PHACTR3: variants seen among roughly 807,000 people sequenced by gnomAD.
PHACTR3 encodes the protein phosphatase and actin regulator 3.
In PHACTR3, 16 loss-of-function variants were observed where a neutral mutation model predicts 66.8. That is an observed-to-expected ratio of 0.24 (90% CI 0.16 to 0.36). The LOEUF is 0.36. Ranked by LOEUF, PHACTR3 falls within the 10% of genes least tolerant of loss-of-function variation. PHACTR3 has a pLI of 1.00. For synonymous variants in PHACTR3, 323 were observed against 292.1 expected (o/e 1.11, Z -1.08); for missense variants, 647 against 719.9 (o/e 0.90, Z 1.16).
At chr20:59,842,681 G>A (rs1568878574) in intron 11 of PHACTR3, among the ~76,000 whole-genome samples, 2 of 152,124 alleles carry the variant, frequency 1.3e-5, no homozygotes, top group Admixed American at 6.6e-5. Context: ...CTTATTTCTA[G>A]ATTATCTCTG....
intron 1 of PHACTR3, among the ~76,000 whole-genome samples, chr20:59,605,855 AGGT>A (rs2033647806): frequency 1.1e-4 from 1 of 8,836 alleles, no homozygotes; most frequent in Non-Finnish European, 1.9e-4. Context: ...GCGGGGGGGG[AGGT>A]GGGGGGGGGG....
intron 1 of PHACTR3, among the ~76,000 whole-genome samples, chr20:59,646,710 C>T (rs936457745): frequency 3.3e-5 from 5 of 152,156 alleles, no homozygotes; most frequent in Admixed American, 6.5e-5. Context: ...GAACATGACT[C>T]GGAGCTGGAA....
At chr20:59,750,476 C>T (rs557031567) in intron 3 of PHACTR3, among the ~76,000 whole-genome samples, 183 of 152,176 alleles carry the variant, frequency 1.2e-3, no homozygotes, top group Non-Finnish European at 2.2e-3. Flanking sequence ...GACTTCCAGC[C>T]CACAGGAGCA....
intron 1 of PHACTR3, among the ~76,000 whole-genome samples, chr20:59,674,926 A>C (rs1221100362): frequency 6.1e-4 from 8 of 13,102 alleles, no homozygotes; most frequent in African/African-American, 1.5e-3. Flanking sequence ...CCCCCCTTCT[A>C]CTGTCCCCCC....
At chr20:59,844,969 T>C in intron 11 of PHACTR3, 1 of 391,804 alleles carries the variant, frequency 2.6e-6, no homozygotes. Context: ...ATCAATAAAA[T>C]TTTTACAAAG....
At chr20:59,701,670 T>C (rs2037510495) in intron 1 of PHACTR3, among the ~76,000 whole-genome samples, 1 of 152,246 alleles carries the variant, frequency 6.6e-6, no homozygotes, top group Admixed American at 6.5e-5. Flanking sequence ...TCTCCTATTA[T>C]TAACGTGTTG....
At chr20:59,760,853 A>G (rs1196850781) in intron 4 of PHACTR3, among the ~76,000 whole-genome samples, 2 of 152,116 alleles carry the variant, frequency 1.3e-5, no homozygotes, top group Admixed American at 6.5e-5. Context: ...CACTAATTAA[A>G]AAGGAGAGTG....
At chr20:59,817,318 C>T (rs905785457) in intron 8 of PHACTR3, among the ~76,000 whole-genome samples, 2 of 152,228 alleles carry the variant, frequency 1.3e-5, no homozygotes, top group African/African-American at 2.4e-5. Context: ...ACACCACTGC[C>T]GTCTGGCTGC....
intron 1 of PHACTR3, among the ~76,000 whole-genome samples, chr20:59,697,040 A>G (rs1321797947): frequency 6.6e-6 from 1 of 152,168 alleles, no homozygotes; most frequent in Non-Finnish European, 1.5e-5. Flanking sequence ...AGGCTGTGAA[A>G]CAGAATGAAA....
At chr20:59,615,059 C>T (rs1441991397) in intron 1 of PHACTR3, among the ~76,000 whole-genome samples, 4 of 152,104 alleles carry the variant, frequency 2.6e-5, no homozygotes, top group African/African-American at 9.7e-5. Context: ...TCTTTATTTT[C>T]CTGTTATTCT....
rs1466787196 is a variant in PHACTR3, at chr20:59,809,101, G to A, written c.1328+2907G>A. ...CAGTGGGGCTTTTCATTTCGAGGAAGGGTTGTTTCTGGTCTCCGCTGGGGA... is the reference window on the plus strand; with the variant it reads ...CAGTGGGGCTTTTCATTTCGAGGAAAGGTTGTTTCTGGTCTCCGCTGGGGA... On this transcript the variant is annotated intron_variant, in intron 8 of 12. Transcript: ENST00000371015. Among the ~76,000 whole-genome samples the A allele has an allele frequency of 4.6e-5, 7 of 152,134 alleles. No individual in the cohort carries two copies. The East Asian group carries it at 1.3e-3, about 29-fold the overall frequency.
At chr20:59,638,464 A>G (rs1469430692) in intron 1 of PHACTR3, among the ~76,000 whole-genome samples, 1 of 147,202 alleles carries the variant, frequency 6.8e-6, no homozygotes, top group East Asian at 2.1e-4. Flanking sequence ...GTGGATAGGT[A>G]GATGGGTGGA....
At chr20:59,801,983 A>T (rs1392138173) in intron 7 of PHACTR3, among the ~76,000 whole-genome samples, 1 of 152,144 alleles carries the variant, frequency 6.6e-6, no homozygotes, top group Non-Finnish European at 1.5e-5. Context: ...CAGGTGCCTT[A>T]TTGAACTGAG....
chr20:59,699,150 A>C (rs2037402182), intron 1 of PHACTR3, among the ~76,000 whole-genome samples: 1 of 152,236 alleles, frequency 6.6e-6, no homozygotes, highest in African/African-American at 2.4e-5. Context: ...AAAAGGACGT[A>C]AGTGCAGAGC....
chr20:59,599,732 C>G (rs2146323692), upstream of PHACTR3, among the ~76,000 whole-genome samples: 1 of 152,318 alleles, frequency 6.6e-6, no homozygotes, highest in Non-Finnish European at 1.5e-5. Context: ...GTATCCTTGA[C>G]TTCTCTCTCT....
At chr20:59,601,608 A>G (rs1040166389), upstream of PHACTR3, among the ~76,000 whole-genome samples, 7 of 152,238 alleles carry the variant, frequency 4.6e-5, no homozygotes, top group African/African-American at 1.7e-4. Context: ...CAAGCCAGTC[A>G]TGGTCTGGAG....
At chr20:59,631,927 T>C (rs1035299709) in intron 1 of PHACTR3, among the ~76,000 whole-genome samples, 1 of 152,158 alleles carries the variant, frequency 6.6e-6, no homozygotes, top group Non-Finnish European at 1.5e-5. Flanking sequence ...GAGTGGCATC[T>C]GGCCCCGGCC....
At chr20:59,637,636 G>A (rs1424843090) in intron 1 of PHACTR3, among the ~76,000 whole-genome samples, 2 of 150,808 alleles carry the variant, frequency 1.3e-5, no homozygotes, top group Non-Finnish European at 1.5e-5. Flanking sequence ...CAACCCTAAC[G>A]TGAACAAATA....
intron 7 of PHACTR3, among the ~76,000 whole-genome samples, chr20:59,798,238 A>C (rs1364807382): frequency 5.3e-5 from 8 of 152,140 alleles, no homozygotes; most frequent in Non-Finnish European, 8.8e-5. Flanking sequence ...AAGGGCCTTA[A>C]ATCCATTCAT....
Sources: gnomAD v4.1 joint callset for allele counts (sites outside exome capture counted in the v4.1 genomes callset) on GRCh38, gnomAD v4.1.1 for gene constraint, MANE v1.5 for transcripts, NCBI Gene and HGNC (gene_info 2026-07-23, HGNC 2026-07-21) for gene names.